RTL4: variants seen among roughly 807,000 people sequenced by gnomAD.
RTL4 encodes retrotransposon Gag like 4.
RTL4 carries 4 observed loss-of-function variants against 5.3 expected under a neutral mutation model. The observed-to-expected ratio is 0.75, with a 90% CI of 0.37 to 1.72. RTL4 has a LOEUF of 1.72. RTL4 is among the 40% of genes most tolerant of loss of function. The probability of loss-of-function intolerance (pLI) is 0.04; values close to 1 mark genes in which losing one functional copy is unlikely to be tolerated. For missense variants in RTL4, 260 were observed against 227.1 expected (o/e 1.14, Z -0.93); for synonymous variants, 98 against 87.3 (o/e 1.12, Z -0.68).
the RTL4 span, among the ~76,000 whole-genome samples, chrX:112,133,452 G>A: frequency 8.9e-6 from 1 of 111,856 alleles, no homozygotes; most frequent in Non-Finnish European, 1.9e-5. Flanking sequence ...TAGAACTGCT[G>A]GGATCAAAAG....
At chrX:112,206,912 T>C in the RTL4 span, among the ~76,000 whole-genome samples, 1 of 111,878 alleles carries the variant, frequency 8.9e-6, no homozygotes, top group East Asian at 2.8e-4. Context: ...AGCACTCAGA[T>C]GCTTAATACT....
the RTL4 span, among the ~76,000 whole-genome samples, chrX:112,141,364 A>G: frequency 1.8e-5 from 2 of 111,628 alleles, no homozygotes; most frequent in Non-Finnish European, 3.8e-5. Context: ...TCCACAAATA[A>G]AAGATAGTTT....
the RTL4 span, among the ~76,000 whole-genome samples, chrX:112,258,851 T>TAAG: frequency 9.0e-6 from 1 of 111,671 alleles, no homozygotes; most frequent in Non-Finnish European, 1.9e-5. Context: ...TTTTTATTCT[T>TAAG]AAGTCTTTTA....
chrX:112,373,833 C>T, the RTL4 span, among the ~76,000 whole-genome samples: 3 of 110,715 alleles, frequency 2.7e-5, no homozygotes, highest in Admixed American at 2.9e-4. Context: ...TGTTGCTATA[C>T]ATTAGATCTG....
chrX:112,221,700 C>T, the RTL4 span, among the ~76,000 whole-genome samples: 15 of 112,431 alleles, frequency 1.3e-4, no homozygotes, highest in Admixed American at 2.8e-4. Flanking sequence ...ATGTAAATCA[C>T]GTAAACTGAG....
At chrX:112,436,122 C>A in the RTL4 span, among the ~76,000 whole-genome samples, 2 of 110,189 alleles carry the variant, frequency 1.8e-5, no homozygotes, top group Non-Finnish European at 3.8e-5. Flanking sequence ...GAGGTGGAGG[C>A]AGTAGGATTG....
the RTL4 span, among the ~76,000 whole-genome samples, chrX:112,415,901 A>G: frequency 4.5e-5 from 5 of 111,576 alleles, no homozygotes; most frequent in African/African-American, 1.6e-4. Flanking sequence ...TACATCCTAT[A>G]TTAGTTTCCT....
At chrX:112,275,487 G>T in the RTL4 span, among the ~76,000 whole-genome samples, 1 of 111,899 alleles carries the variant, frequency 8.9e-6, no homozygotes, top group African/African-American at 3.2e-5. Flanking sequence ...CAAACAAAAA[G>T]GTTCAAATGC....
chrX:112,179,731 T>C, the RTL4 span, among the ~76,000 whole-genome samples: 2 of 112,335 alleles, frequency 1.8e-5, no homozygotes, highest in African/African-American at 3.2e-5. Flanking sequence ...TCATGGGGCT[T>C]CAACAGATTA....
chrX:112,211,166 G>C, the RTL4 span, among the ~76,000 whole-genome samples: 1 of 112,158 alleles, frequency 8.9e-6, no homozygotes, highest in African/African-American at 3.2e-5. Flanking sequence ...GTCATAAATA[G>C]ACAACTGAAG....
At chrX:112,215,205 G>A in the RTL4 span, among the ~76,000 whole-genome samples, 1 of 111,705 alleles carries the variant, frequency 9.0e-6, no homozygotes, top group Non-Finnish European at 1.9e-5. Flanking sequence ...AATGTTTAGT[G>A]ATCAAATCAG....
At chrX:112,106,086 A>C in the RTL4 span, among the ~76,000 whole-genome samples, 2 of 111,964 alleles carry the variant, frequency 1.8e-5, no homozygotes, top group Non-Finnish European at 3.8e-5. Context: ...TTATCATGAA[A>C]GGGTTTTGAA....
chrX:112,308,888 C>CA, the RTL4 span, among the ~76,000 whole-genome samples: 545 of 108,440 alleles, frequency 5.0e-3, 5 homozygotes, highest in African/African-American at 0.016. Context: ...TCCAATAAAA[C>CA]AAAAAAAAAT....
the RTL4 span, among the ~76,000 whole-genome samples, chrX:112,420,270 T>C: frequency 9.0e-6 from 1 of 111,470 alleles, no homozygotes; most frequent in Non-Finnish European, 1.9e-5. Flanking sequence ...GTACCAAGGC[T>C]TGAGGAGCAG....
chrX:112,456,468 C>T (rs1926846246), exon 1 of RTL4: 2 of 307,083 alleles, frequency 6.5e-6, no homozygotes, highest in East Asian at 4.8e-5. Context: ...AACAACCCTA[C>T]TTGAGGTTCC....
chrX:112,161,874 C>CTTTCTTT, the RTL4 span, among the ~76,000 whole-genome samples: 2 of 36,020 alleles, frequency 5.6e-5, no homozygotes, highest in Non-Finnish European at 1.0e-4. Context: ...TCTTTCTTTC[C>CTTTCTTT]TTCTTTCTTC....
At chrX:112,380,498 A>T in the RTL4 span, among the ~76,000 whole-genome samples, 1 of 112,011 alleles carries the variant, frequency 8.9e-6, no homozygotes, top group Non-Finnish European at 1.9e-5. Flanking sequence ...GTATTTCATT[A>T]TAAGGAGGAA....
the RTL4 span, among the ~76,000 whole-genome samples, chrX:112,441,995 C>T: frequency 9.0e-6 from 1 of 111,721 alleles, no homozygotes; most frequent in African/African-American, 3.3e-5. Flanking sequence ...TAAAAACATA[C>T]TAAGTGAAAG....
the RTL4 span, among the ~76,000 whole-genome samples, chrX:112,328,301 C>G: frequency 2.2e-4 from 24 of 110,384 alleles, no homozygotes; most frequent in South Asian, 3.9e-4. Context: ...AAAATAAAAG[C>G]ATGGAGGAAG....
Sources: allele counts gnomAD v4.1 joint callset (sites outside exome capture counted in the v4.1 genomes callset), GRCh38; gene constraint gnomAD v4.1.1; transcripts MANE v1.5; gene names NCBI Gene and HGNC (gene_info 2026-07-23, HGNC 2026-07-21).